CHID1: variants seen among roughly 807,000 people sequenced by gnomAD.
CHID1 encodes the protein chitinase domain containing 1.
A neutral mutation model predicts 55.4 loss-of-function variants in CHID1; 44 were observed. The ratio of observed to expected loss-of-function variants is 0.79; its 90% CI spans 0.62 to 1.02. CHID1 has a LOEUF of 1.02. Ranked by LOEUF, CHID1 falls within the 50% of genes least tolerant of loss-of-function variation. CHID1 has a pLI of 0.00. For missense variants in CHID1, 491 were observed against 515.3 expected, an observed-to-expected ratio of 0.95 and a Z score of 0.46; for synonymous variants, 216 against 212.9, an observed-to-expected ratio of 1.01 and a Z score of -0.13.
Position 869,864 on chromosome 11 carries a change from C to T in CHID1, c.1176G>A (p.Leu392=). The T allele has an allele frequency of 5.0e-6, 8 of 1,612,912 alleles. No homozygotes were observed. The highest frequency in any genetic ancestry group is 6.8e-6 in the Non-Finnish European group (8 of 1,179,756). Residue 392 remains leucine (L), a synonymous_variant, in exon 13 of 13, where the codon CTG becomes CTA. Transcript: ENST00000323578. The part of the protein sequence containing the change: ...LGQGLDYFYD[L]L ...CGGAGGCCGCAATGCCCACCTAGAG[C>T]AGGTCGTAGAAGTAGTCCAGGCCCT...
intron 8 of CHID1, among the ~76,000 whole-genome samples, chr11:886,869 A>G (rs28449658): frequency 0.99 from 151,043 of 152,326 alleles, 74,901 homozygotes; most frequent in Middle Eastern, 1. Flanking sequence ...CTCCTGAGCC[A>G]TGATCTCCCC....
chr11:904,639 G>A, intron 2 of CHID1, 67 bp downstream of exon 2: 1 of 1,587,668 alleles, frequency 6.3e-7, no homozygotes, highest in Non-Finnish European at 8.6e-7. Context: ...CCAGTGGACA[G>A]AAAGAAGAGG....
At position 893,418 on chromosome 11, in the gene CHID1, G is replaced by T. The variant is rs573439363; in HGVS notation, c.701+9C>A. Reference sequence around the variant, plus strand: ...ACAGCCACCCCCACATCTCAAGAGCGGCACTTACCCGGGGGTGATGGCAGG... The same window carrying T: ...ACAGCCACCCCCACATCTCAAGAGCTGCACTTACCCGGGGGTGATGGCAGG... On this transcript the variant is annotated intron_variant, in intron 8 of 12. Coordinates refer to ENST00000323578, the MANE Select transcript of CHID1 (RefSeq NM_023947.4). 3 of 1,547,262 alleles carry T rather than the reference G, an allele frequency of 1.9e-6. No individual in the cohort carries two copies. Among genetic ancestry groups the T allele is most frequent in the African/African-American group, 2.7e-5 (2 of 73,142 alleles).
At chr11:914,601 G>T, upstream of CHID1, 2 of 1,284,590 alleles carry the variant, frequency 1.6e-6, no homozygotes, top group South Asian at 2.5e-5. Context: ...GGGAGTGGTG[G>T]CTCACGCCGT....
chr11:870,885 C>A, intron 10 of CHID1: 1 of 201,256 alleles, frequency 5.0e-6, no homozygotes, highest in East Asian at 1.2e-4. Flanking sequence ...AGGCCTCAGG[C>A]TGCCCTGGCC....
chr11:902,337 A>G lies in CHID1; in HGVS notation c.262-7T>C. 2 of 1,608,386 alleles carry G rather than the reference A, an allele frequency of 1.2e-6. No individual in the cohort carries two copies. Among genetic ancestry groups the G allele is most frequent in the Non-Finnish European group, 1.7e-6 (2 of 1,175,164 alleles). ...CGTAGCCATGGCTGTTCCACTGGCA[A>G]AAGATGGAGACATCAGACGGAGGAC... On this transcript the variant is annotated splice_polypyrimidine_tract_variant and splice_region_variant and intron_variant, in intron 3 of 12. Transcript: ENST00000323578.
intron 8 of CHID1, among the ~76,000 whole-genome samples, chr11:888,934 C>T (rs1478541193): frequency 6.6e-6 from 1 of 152,216 alleles, no homozygotes; most frequent in South Asian, 2.1e-4. Context: ...CACAGCAACG[C>T]CAGTGCCCCT....
chr11:871,095 A>C (rs1162608948), intron 10 of CHID1, among the ~76,000 whole-genome samples: 3 of 148,330 alleles, frequency 2.0e-5, no homozygotes, highest in African/African-American at 7.5e-5. Flanking sequence ...GATTCAGGTG[A>C]TTCTTCTGCC....
At chr11:877,408 A>G (rs1437401101) in intron 10 of CHID1, among the ~76,000 whole-genome samples, 1 of 152,106 alleles carries the variant, frequency 6.6e-6, no homozygotes, top group African/African-American at 2.4e-5. Flanking sequence ...CATACCGGCT[A>G]ATTTGTTTTT....
intron 7 of CHID1, among the ~76,000 whole-genome samples, chr11:898,317 G>C (rs1044935142): frequency 6.6e-6 from 1 of 152,192 alleles, no homozygotes; most frequent in Non-Finnish European, 1.5e-5. Flanking sequence ...GCTCAGGCCC[G>C]GGCTCTTAAA....
chr11:902,605 C>T (rs956164567), intron 3 of CHID1, among the ~76,000 whole-genome samples: 6 of 152,212 alleles, frequency 3.9e-5, no homozygotes, highest in African/African-American at 1.4e-4. Flanking sequence ...CTGCTGCAGG[C>T]TGGCAGCTGG....
At chr11:889,361 T>C (rs1850637985) in intron 8 of CHID1, among the ~76,000 whole-genome samples, 1 of 151,948 alleles carries the variant, frequency 6.6e-6, no homozygotes, top group Non-Finnish European at 1.5e-5. Flanking sequence ...CCAGCTGCCA[T>C]CTCTGGGTGA....
intron 10 of CHID1, among the ~76,000 whole-genome samples, chr11:873,198 CTGAG>C (rs935301705): frequency 1.3e-5 from 2 of 152,046 alleles, no homozygotes; most frequent in African/African-American, 2.4e-5. Context: ...AGGGGCGGGG[CTGAG>C]TGAGGACGGG....
At chr11:889,857 C>G (rs528683900) in intron 8 of CHID1, among the ~76,000 whole-genome samples, 1 of 152,222 alleles carries the variant, frequency 6.6e-6, no homozygotes, top group African/African-American at 2.4e-5. Context: ...CAGCAGCCAG[C>G]GGCCACAGCT....
chr11:895,623 C>A (rs1851215437), intron 7 of CHID1, among the ~76,000 whole-genome samples: 1 of 152,170 alleles, frequency 6.6e-6, no homozygotes, highest in South Asian at 2.1e-4. Flanking sequence ...CCAGAGGCAG[C>A]AACATCCCTT....
intron 4 of CHID1, 103 bp from the exon 5 acceptor site, chr11:901,083 G>C: frequency 9.2e-7 from 1 of 1,084,314 alleles, no homozygotes. Context: ...TACGCAATGG[G>C]AAGGGCAGGG....
At position 870,452 on chromosome 11, in the gene CHID1, C is replaced by A. The variant is rs1245837767; in HGVS notation, c.1007G>T (p.Ser336Ile). 1.2e-6 allele frequency: 2 copies of A among 1,612,138 alleles called. No individual in the cohort carries two copies. Among genetic ancestry groups the A allele is most frequent in the African/African-American group, 1.3e-5 (1 of 74,916 alleles). ...KDHRPRMVWD[S>I]QASEHFFEYK... ...CTCGAAGAAGTGCTCTGAGGCCTGG[C>A]TGTCCCACACCATCCGGGGCCTGTG... The change falls in exon 11 of 13, where the codon AGC becomes ATC. Residue 336 changes from serine (S) to isoleucine (I), a missense_variant. Coordinates refer to ENST00000323578, the MANE Select transcript of CHID1 (RefSeq NM_023947.4).
intron 8 of CHID1, among the ~76,000 whole-genome samples, chr11:888,888 T>C (rs1313874706): frequency 6.6e-6 from 1 of 152,080 alleles, no homozygotes; most frequent in Non-Finnish European, 1.5e-5. Flanking sequence ...CCAACGCCAG[T>C]GCCTGCCCAC....
chr11:884,704 T>C (rs1026852282), intron 8 of CHID1, among the ~76,000 whole-genome samples: 19 of 152,290 alleles, frequency 1.2e-4, no homozygotes, highest in Middle Eastern at 6.8e-3. Flanking sequence ...GACAAGTGCT[T>C]GGCTCCCAGG....
Sources: allele counts gnomAD v4.1 joint callset (sites outside exome capture counted in the v4.1 genomes callset), GRCh38; gene constraint gnomAD v4.1.1; transcripts MANE v1.5; gene names NCBI Gene and HGNC (gene_info 2026-07-23, HGNC 2026-07-21).